The following GRIN2A variants were observed in gnomAD, a reference collection of about 807,000 sequenced individuals.
GRIN2A encodes glutamate ionotropic receptor NMDA type subunit 2A.
In GRIN2A, 22 loss-of-function variants were observed where a neutral mutation model predicts 113.4. That is an observed-to-expected ratio of 0.19 (90% CI 0.14 to 0.28). The LOEUF (loss-of-function observed/expected upper bound fraction) is 0.28. Among genes scored for constraint, GRIN2A ranks in the 10% least tolerant of loss-of-function variants. The probability of loss-of-function intolerance (pLI) is 1.00; values close to 1 mark genes in which losing one functional copy is unlikely to be tolerated. For synonymous variants in GRIN2A, 827 were observed against 738.4 expected, an observed-to-expected ratio of 1.12 and a Z score of -1.94; for missense variants, 1,502 against 1,887.0, an observed-to-expected ratio of 0.80 and a Z score of 3.78.
chr16:9,763,632 A>G lies in GRIN2A; in HGVS notation c.3912T>C (p.Leu1304=), dbSNP rs2141128534. ...NIVDKPRELD[L]SRPSRSISLK... ...GGCTTATGCTCCGGGAGGGCCTGCT[A>G]AGGTCTAGCTCCCTAGGTTTGTCGA... Residue 1304 remains leucine, a synonymous_variant, in exon 13 of 13, where the codon CTT becomes CTC. Coordinates refer to ENST00000330684, the MANE Select transcript of GRIN2A (RefSeq NM_001134407.3). 1 of 1,613,228 alleles carries G rather than the reference A, an allele frequency of 6.2e-7. No individual in the cohort carries two copies. The highest frequency in any genetic ancestry group is 1.3e-5 in the African/African-American group (1 of 75,012).
intron 2 of GRIN2A, among the ~76,000 whole-genome samples, chr16:9,945,308 A>C (rs773268814): frequency 1.3e-5 from 2 of 152,174 alleles, no homozygotes; most frequent in African/African-American, 2.4e-5. Flanking sequence ...AGAAGGAGTC[A>C]TCCAGGCAAA....
intron 4 of GRIN2A, among the ~76,000 whole-genome samples, chr16:9,871,498 G>C (rs1217165349): frequency 6.6e-6 from 1 of 150,988 alleles, no homozygotes; most frequent in Non-Finnish European, 1.5e-5. Context: ...CTAGAGTCTA[G>C]ATTGCACTTT....
chr16:10,008,293 A>T (rs928515576), intron 2 of GRIN2A, among the ~76,000 whole-genome samples: 3 of 152,234 alleles, frequency 2.0e-5, no homozygotes, highest in African/African-American at 7.2e-5. Context: ...TTCCAACAGC[A>T]AAACTAATTT....
At chr16:10,055,081 AAAAAG>A (rs2047428939) in intron 2 of GRIN2A, among the ~76,000 whole-genome samples, 1 of 79,432 alleles carries the variant, frequency 1.3e-5, no homozygotes, top group African/African-American at 6.2e-5. Flanking sequence ...AAAAAAAAAA[AAAAAG>A]AAAAAAGAAA....
intron 2 of GRIN2A, among the ~76,000 whole-genome samples, chr16:10,027,996 G>A (rs1282881844): frequency 1.3e-5 from 2 of 152,282 alleles, no homozygotes; most frequent in South Asian, 2.1e-4. Context: ...AGAACAGTGC[G>A]GGAGGTTGGG....
chr16:9,910,958 A>T (rs2044123113), intron 3 of GRIN2A, among the ~76,000 whole-genome samples: 1 of 152,112 alleles, frequency 6.6e-6, no homozygotes, highest in South Asian at 2.1e-4. Context: ...GTACCTCTCC[A>T]AAACAACCAG....
intron 10 of GRIN2A, among the ~76,000 whole-genome samples, chr16:9,814,602 G>A (rs866694948): frequency 6.6e-6 from 1 of 152,094 alleles, no homozygotes; most frequent in South Asian, 2.1e-4. Context: ...CCCTCCTTCT[G>A]AAATATCCTC....
intron 2 of GRIN2A, among the ~76,000 whole-genome samples, chr16:10,021,925 C>T (rs2046732949): frequency 6.6e-6 from 1 of 152,088 alleles, no homozygotes; most frequent in Non-Finnish European, 1.5e-5. Context: ...GCTGTGTTAC[C>T]TTGGGCAAGT....
At chr16:9,824,756 C>A (rs1293290102) in intron 9 of GRIN2A, among the ~76,000 whole-genome samples, 2 of 152,118 alleles carry the variant, frequency 1.3e-5, no homozygotes, top group African/African-American at 4.8e-5. Flanking sequence ...TTCTTTCTAT[C>A]TGTGATATAC....
intron 3 of GRIN2A, among the ~76,000 whole-genome samples, chr16:9,903,005 G>A (rs2141523792): frequency 7.4e-6 from 1 of 134,794 alleles, no homozygotes; most frequent in African/African-American, 2.8e-5. Flanking sequence ...GTCTCACTCT[G>A]TTGCCCAGGC....
At position 10,132,081 on chromosome 16, in the gene GRIN2A, C is replaced by T. The variant is rs776847156; in HGVS notation, c.414+47917G>A. On this transcript the variant is annotated intron_variant, in intron 2 of 12. Coordinates refer to ENST00000330684, the MANE Select transcript of GRIN2A (RefSeq NM_001134407.3). ...GCTTGGTGGCTCGCGCCTGTAATCC[C>T]AGCACTTTGGGAGACTCAGGCAGGC... is the stretch of plus-strand genomic sequence containing the variant. 5.6e-4 allele frequency among the ~76,000 whole-genome samples: 85 copies of T among 151,952 alleles called. 1 individual carries two copies. The highest frequency in any genetic ancestry group is 8.2e-4 in the African/African-American group (34 of 41,352).
Position 9,760,424 on chromosome 16 carries a change from C to T in GRIN2A, c.*2725G>A, listed in dbSNP as rs374744241. On this transcript the variant is annotated 3_prime_UTR_variant, in exon 13 of 13. Coordinates refer to ENST00000330684, the MANE Select transcript of GRIN2A (RefSeq NM_001134407.3). Reference sequence around the variant, plus strand: ...GCTTGGGATCATCACATTGAAGAGTCATTGAATTAGTAGAGAAGGGATACC... The same window carrying T: ...GCTTGGGATCATCACATTGAAGAGTTATTGAATTAGTAGAGAAGGGATACC... The T allele has an allele frequency of 2.1e-4, 27 of 127,730 alleles. 1 individual carries two copies. The East Asian group carries it at 2.4e-3, about 11-fold the overall frequency. 7.9% of individuals were successfully genotyped at this position (127,730 alleles called of 1,614,324 possible).
At chr16:10,076,535 C>T (rs2047876124) in intron 2 of GRIN2A, among the ~76,000 whole-genome samples, 1 of 152,246 alleles carries the variant, frequency 6.6e-6, no homozygotes, top group African/African-American at 2.4e-5. Context: ...GTATGATGCT[C>T]CTCATCTAAG....
At chr16:10,172,714 A>G (rs1189439170) in intron 2 of GRIN2A, among the ~76,000 whole-genome samples, 1 of 152,214 alleles carries the variant, frequency 6.6e-6, no homozygotes, top group Non-Finnish European at 1.5e-5. Flanking sequence ...TCAAAGCAGC[A>G]TGAAGTTTGG....
intron 2 of GRIN2A, among the ~76,000 whole-genome samples, chr16:10,166,508 C>T (rs917781376): frequency 6.6e-6 from 1 of 152,174 alleles, no homozygotes; most frequent in Non-Finnish European, 1.5e-5. Context: ...TCCAGACCAG[C>T]TCTCCAATTT....
intron 2 of GRIN2A, among the ~76,000 whole-genome samples, chr16:10,072,946 CTTTTTTTTTTT>C (rs34432023): frequency 9.6e-6 from 1 of 104,230 alleles, no homozygotes; most frequent in African/African-American, 3.7e-5. Flanking sequence ...ACAAGACCCC[CTTTTTTTTTTT>C]TTTTTTTTTT....
At chr16:9,900,942 C>T (rs575955560) in intron 3 of GRIN2A, among the ~76,000 whole-genome samples, 3 of 152,262 alleles carry the variant, frequency 2.0e-5, no homozygotes, top group African/African-American at 4.8e-5. Context: ...GCCTATGCTG[C>T]CAAATTATTC....
At chr16:9,961,604 T>G (rs9925439) in intron 2 of GRIN2A, among the ~76,000 whole-genome samples, 16,645 of 152,136 alleles carry the variant, frequency 0.11, 1,064 homozygotes, top group African/African-American at 0.17. Context: ...CTAGAAATGT[T>G]CTATATCTTT....
rs181109845 is a variant in GRIN2A, at chr16:10,176,081, T to C, written c.414+3917A>G. Among the ~76,000 whole-genome samples the C allele has an allele frequency of 2.1e-3, 324 of 150,788 alleles. 3 individuals carry two copies. Among genetic ancestry groups the C allele is most frequent in the Admixed American group, 0.017 (251 of 15,084 alleles). On this transcript the variant is annotated intron_variant, in intron 2 of 12. Transcript: ENST00000330684. ...GCGCAGTGGCATGATGTTGGCTTGC[T>C]GCAACCTCCACCTCCCAGGTTCATG...
Sources: gnomAD v4.1 joint callset for allele counts (sites outside exome capture counted in the v4.1 genomes callset) on GRCh38, gnomAD v4.1.1 for gene constraint, MANE v1.5 for transcripts, NCBI Gene and HGNC (gene_info 2026-07-23, HGNC 2026-07-21) for gene names.